The following FOLR1 variants were observed in gnomAD, a reference collection of about 807,000 sequenced individuals.
FOLR1 encodes the protein KB cells FBP.
In FOLR1, 11 loss-of-function variants were observed where a neutral mutation model predicts 22.8. The ratio of observed to expected loss-of-function variants is 0.48; its 90% CI spans 0.30 to 0.80. FOLR1 has a LOEUF of 0.80. Ranked by LOEUF, FOLR1 falls within the 30% of genes least tolerant of loss-of-function variation. FOLR1 has a pLI of 0.06. For synonymous variants in FOLR1, 108 were observed against 116.5 expected (o/e 0.93, Z 0.47); for missense variants, 273 against 320.3 (o/e 0.85, Z 1.13).
At chr11:72,195,498 C>T in intron 2 of FOLR1, 39 bp downstream of exon 2, 1 of 1,613,164 alleles carries the variant, frequency 6.2e-7, no homozygotes, top group Non-Finnish European at 8.5e-7. Flanking sequence ...CCTAGCGGAG[C>T]AGCTGAGCTT....
intron 1 of FOLR1, 91 bp downstream of exon 1, chr11:72,192,432 C>A: frequency 1.4e-6 from 2 of 1,415,470 alleles, no homozygotes; most frequent in African/African-American, 1.4e-5. Context: ...CACTGGTGAA[C>A]TGAAGTGGAG....
At chr11:72,195,586 C>T (rs1408694643) in intron 2 of FOLR1, 26 bp from the exon 3 acceptor site, 5 of 1,614,040 alleles carry the variant, frequency 3.1e-6, no homozygotes, top group Non-Finnish European at 4.2e-6. Context: ...GAACCTGAGC[C>T]CTTCTTTTGT....
upstream of FOLR1, chr11:72,192,111 C>A: frequency 1.3e-6 from 2 of 1,598,128 alleles, no homozygotes; most frequent in Non-Finnish European, 1.7e-6. Context: ...CTGCACACAA[C>A]TTAAGGCCCC....
At chr11:72,190,057 G>T (rs1168261527), upstream of FOLR1, among the ~76,000 whole-genome samples, 1 of 152,202 alleles carries the variant, frequency 6.6e-6, no homozygotes, top group Admixed American at 6.6e-5. Flanking sequence ...GTGGGGAGGG[G>T]TCACAGCTGG....
chr11:72,195,557 C>A (rs1490236991), intron 2 of FOLR1, 55 bp from the exon 3 acceptor site: 30 of 1,613,580 alleles, frequency 1.9e-5, no homozygotes, highest in Non-Finnish European at 1.7e-6. Flanking sequence ...CTATTCGGGG[C>A]TGAGTTGCTG....
downstream of FOLR1, chr11:72,196,312 G>T (rs1437117926): frequency 4.5e-6 from 4 of 892,836 alleles, no homozygotes; most frequent in Non-Finnish European, 7.2e-6. Context: ...TGTGTCTTGA[G>T]AATTATTTGG....
Position 72,195,368 on chromosome 11 carries a change from G to C in FOLR1, c.266G>C (p.Cys89Ser). The change falls in exon 2 of 4, where the codon TGT becomes TCT. Residue 89 changes from cysteine to serine, a missense_variant. Physicochemically the swap from Cys to Ser is moderately radical, Grantham distance 112. Coordinates refer to ENST00000393676, the MANE Select transcript of FOLR1 (RefSeq NM_016729.3). ...SYLYRFNWNH[C>S]GEMAPACKRH... is the part of the protein sequence containing the mutation. Reference sequence around the variant, plus strand: ...CTATATAGATTCAACTGGAACCACTGTGGAGAGATGGCACCTGCCTGCAAA... The same window carrying C: ...CTATATAGATTCAACTGGAACCACTCTGGAGAGATGGCACCTGCCTGCAAA... 6.2e-7 allele frequency: 1 copy of C among 1,614,222 alleles called. No homozygotes were observed. The highest frequency in any genetic ancestry group is 1.1e-5 in the South Asian group (1 of 91,090).
At chr11:72,192,622 T>TTTA (rs1212017174) in intron 1 of FOLR1, among the ~76,000 whole-genome samples, 1 of 152,124 alleles carries the variant, frequency 6.6e-6, no homozygotes, top group Non-Finnish European at 1.5e-5. Flanking sequence ...GGTTGCTTGA[T>TTTA]TTAGGGATTT....
intron 1 of FOLR1, among the ~76,000 whole-genome samples, chr11:72,193,780 T>C (rs1313991170): frequency 1.3e-5 from 2 of 149,228 alleles, no homozygotes; most frequent in African/African-American, 5.0e-5. Flanking sequence ...ATTTTATTTA[T>C]TTATTTATTT....
At chr11:72,194,578 T>G (rs1948201623) in intron 1 of FOLR1, among the ~76,000 whole-genome samples, 1 of 152,214 alleles carries the variant, frequency 6.6e-6, no homozygotes, top group African/African-American at 2.4e-5. Flanking sequence ...TTTTTGTATT[T>G]TTAGTAGAGA....
chr11:72,195,417 C>A lies in FOLR1; in HGVS notation c.315C>A (p.Cys105Ter). The change falls in exon 2 of 4, where the codon TGC (cysteine) becomes TGA (stop). Residue 105 changes from cysteine to a stop codon, truncating the protein, a stop_gained. Coordinates refer to ENST00000393676, the MANE Select transcript of FOLR1 (RefSeq NM_016729.3). LOFTEE classifies it high-confidence loss of function. ...AACGGCATTTCATCCAGGACACCTG[C>A]CTCTACGAGTGCTCCCCCAACTTGG... ...ACKRHFIQDT[C>*]LYECSPNLGP... 1 of 1,614,220 alleles carries A rather than the reference C, an allele frequency of 6.2e-7. No individual in the cohort carries two copies. Among genetic ancestry groups the A allele is most frequent in the Non-Finnish European group, 8.5e-7 (1 of 1,180,048 alleles).
rs1373082445 is a variant in FOLR1, at chr11:72,196,197, A to G, written c.*20A>G. 3.1e-6 allele frequency: 5 copies of G among 1,613,712 alleles called. No individual in the cohort carries two copies. Among genetic ancestry groups the G allele is most frequent in the Non-Finnish European group, 4.2e-6 (5 of 1,179,856 alleles). ...AGCTGACCTCCTTTTACCTTCTGAT[A>G]CCTGGAAATCCCTGCCCTGTTCAGC... On this transcript the variant is annotated 3_prime_UTR_variant, in exon 4 of 4. Transcript: ENST00000393676.
At chr11:72,195,491 A>G (rs771232058) in intron 2 of FOLR1, 32 bp downstream of exon 2, 1 of 1,613,744 alleles carries the variant, frequency 6.2e-7, no homozygotes, top group East Asian at 2.2e-5. Flanking sequence ...TACAAGACCT[A>G]GCGGAGCAGC....
Position 72,195,379 on chromosome 11 carries a change from G to A in FOLR1, c.277G>A (p.Ala93Thr). The change falls in exon 2 of 4, where the codon GCA becomes ACA. Residue 93 changes from alanine to threonine, a missense_variant. Physicochemically the swap from Ala to Thr is moderately conservative, Grantham distance 58. Transcript: ENST00000393676. The stretch of plus-strand genomic sequence containing the variant: ...CAACTGGAACCACTGTGGAGAGATG[G>A]CACCTGCCTGCAAACGGCATTTCAT... Reference protein sequence around the residue: ...RFNWNHCGEMAPACKRHFIQD... With the variant: ...RFNWNHCGEMTPACKRHFIQD... 3 of 1,614,202 alleles carry A rather than the reference G, an allele frequency of 1.9e-6. No individual in the cohort carries two copies. Among genetic ancestry groups the A allele is most frequent in the Non-Finnish European group, 2.5e-6 (3 of 1,180,038 alleles).
intron 1 of FOLR1, among the ~76,000 whole-genome samples, 153 bp from the exon 2 acceptor site, chr11:72,195,118 C>A (rs1020247774): frequency 1.3e-4 from 20 of 152,192 alleles, no homozygotes; most frequent in Non-Finnish European, 2.1e-4. Context: ...ACGGCCCTCT[C>A]CCCTAAAGAG....
chr11:72,195,561 G>A (rs774626222), intron 2 of FOLR1, 51 bp from the exon 3 acceptor site: 1 of 1,613,946 alleles, frequency 6.2e-7, no homozygotes, highest in Non-Finnish European at 8.5e-7. Flanking sequence ...TCGGGGCTGA[G>A]TTGCTGGGAT....
chr11:72,190,324 A>T (rs976455231), upstream of FOLR1: 4 of 152,458 alleles, frequency 2.6e-5, no homozygotes, highest in African/African-American at 9.6e-5. Context: ...TCTGGCCTGA[A>T]CTTGGGTGGT....
Position 72,195,663 on chromosome 11 carries a change from G to A in FOLR1, c.409G>A (p.Glu137Lys), listed in dbSNP as rs762109657. The A allele has an allele frequency of 3.7e-6, 6 of 1,614,244 alleles. No homozygotes were observed. The highest frequency in any genetic ancestry group is 4.2e-6 in the Non-Finnish European group (5 of 1,180,054). ...ERVLNVPLCK[E>K]DCEQWWEDCR... Reference sequence around the variant, plus strand: ...GGTACTGAACGTGCCCCTGTGCAAAGAGGACTGTGAGCAATGGTGGGAAGA... The same window carrying A: ...GGTACTGAACGTGCCCCTGTGCAAAAAGGACTGTGAGCAATGGTGGGAAGA... The change falls in exon 3 of 4, where the codon GAG (glutamate) becomes AAG (lysine). Residue 137 changes from glutamate to lysine, a missense_variant. Glu to Lys is a moderately conservative substitution (Grantham distance 56, BLOSUM62 1). Coordinates refer to ENST00000393676, the MANE Select transcript of FOLR1 (RefSeq NM_016729.3).
upstream of FOLR1, chr11:72,190,377 A>C (rs1948140852): frequency 1.3e-5 from 2 of 152,218 alleles, no homozygotes; most frequent in South Asian, 4.1e-4. Flanking sequence ...CTGTGCTGAA[A>C]TGATTCCACA....
Sources: allele counts gnomAD v4.1 joint callset (sites outside exome capture counted in the v4.1 genomes callset), GRCh38; gene constraint gnomAD v4.1.1; transcripts MANE v1.5; gene names NCBI Gene and HGNC (gene_info 2026-07-23, HGNC 2026-07-21).